VAC14: variants seen among roughly 807,000 people sequenced by gnomAD.
VAC14 encodes the protein protein VAC14 homolog.
Under a neutral mutation model 85.3 loss-of-function variants are expected in VAC14, and 47 were observed. The ratio of observed to expected loss-of-function variants is 0.55; its 90% CI spans 0.44 to 0.70. VAC14 has a LOEUF of 0.70. Among genes scored for constraint, VAC14 ranks in the 30% least tolerant of loss-of-function variants. VAC14 has a pLI of 0.00. For synonymous variants in VAC14, 447 were observed against 430.5 expected, an observed-to-expected ratio of 1.04 and a Z score of -0.47; for missense variants, 861 against 1,004.3, an observed-to-expected ratio of 0.86 and a Z score of 1.93.
In VAC14 at chr16:70,772,036, T is replaced by C. The variant is rs1371509124; in HGVS notation, c.1160+73A>G. The C allele has an allele frequency of 7.0e-6, 10 of 1,429,840 alleles. No individual in the cohort carries two copies. The South Asian group carries it at 9.3e-5, about 13-fold the overall frequency. The allele number at this position is 1,429,840 out of a possible 1,614,324, so 88.6% of individuals were successfully genotyped here. On this transcript the variant is annotated intron_variant, in intron 10 of 18. Transcript: ENST00000261776. ...TAGAATTTGCCTTGGGTCATTGCTGTAGTCTCCCGCATCCAGGAAAGATCT... is the reference window on the plus strand; with the variant it reads ...TAGAATTTGCCTTGGGTCATTGCTGCAGTCTCCCGCATCCAGGAAAGATCT...
chr16:70,774,752 G>GC (rs2033432863), intron 9 of VAC14, among the ~76,000 whole-genome samples: 1 of 47,232 alleles, frequency 2.1e-5, no homozygotes, highest in Non-Finnish European at 4.0e-5. Context: ...TTCCTTCCTT[G>GC]TTTTTTTTTT....
At chr16:70,781,683 C>A (rs1030591489) in intron 8 of VAC14, among the ~76,000 whole-genome samples, 186 bp downstream of exon 8, 1 of 152,108 alleles carries the variant, frequency 6.6e-6, no homozygotes, top group Admixed American at 6.5e-5. Flanking sequence ...TGGGGACAGC[C>A]AGCATCAGCC....
At chr16:70,766,335 C>T in intron 10 of VAC14, 1 of 379,706 alleles carries the variant, frequency 2.6e-6, no homozygotes, top group South Asian at 1.9e-5. Flanking sequence ...TGTGGGGCCT[C>T]TCCTGCAAGT....
intron 12 of VAC14, among the ~76,000 whole-genome samples, chr16:70,751,726 T>C (rs1284531847): frequency 1.3e-5 from 2 of 152,100 alleles, no homozygotes; most frequent in South Asian, 4.2e-4. Flanking sequence ...GGGGGAGCCA[T>C]GGGAAGGACA....
At chr16:70,689,343 A>T (rs2053556908) in intron 18 of VAC14, 131 of 985,340 alleles carry the variant, frequency 1.3e-4, no homozygotes, top group Non-Finnish European at 1.6e-4. Flanking sequence ...GCCGGGGCCC[A>T]GCAGCTTGAG....
At chr16:70,770,854 A>G (rs1024761969) in intron 10 of VAC14, 1 of 152,286 alleles carries the variant, frequency 6.6e-6, no homozygotes, top group Middle Eastern at 3.4e-3. Context: ...CTAGTGGTAC[A>G]TTTCATAAAC....
chr16:70,706,427 C>T lies in VAC14; in HGVS notation c.1662-7616G>A, dbSNP rs2053921556. 2.0e-5 allele frequency among the ~76,000 whole-genome samples: 3 copies of T among 152,252 alleles called. No homozygotes were observed. In the South Asian group the frequency reaches 6.2e-4, roughly 31 times the overall value. On this transcript the variant is annotated intron_variant, in intron 14 of 18. Coordinates refer to ENST00000261776, the MANE Select transcript of VAC14 (RefSeq NM_018052.5). ...GGGCATCCTGGCTCAGAGGCCCCTC[C>T]CTTCTCCCTATGGCCAGGCCTCCTT...
intron 17 of VAC14, among the ~76,000 whole-genome samples, chr16:70,693,813 T>A (rs755187994): frequency 9.9e-5 from 15 of 152,212 alleles, no homozygotes; most frequent in Non-Finnish European, 2.1e-4. Context: ...GTGGAGGATA[T>A]GCCATGTGCT....
chr16:70,737,239 C>T (rs1041786122), intron 13 of VAC14, among the ~76,000 whole-genome samples: 2 of 152,322 alleles, frequency 1.3e-5, no homozygotes, highest in South Asian at 2.1e-4. Context: ...GTGCTGCAGG[C>T]GCATGAGGAA....
chr16:70,728,594 G>A lies in VAC14; in HGVS notation c.1661+2901C>T, dbSNP rs535190584. On this transcript the variant is annotated intron_variant, in intron 14 of 18. Coordinates refer to ENST00000261776, the MANE Select transcript of VAC14 (RefSeq NM_018052.5). ...CTTCACAGAGCCTCAGGCCCTGAGCGGGTGGGGAGGGCATGCAAGCATGCC... is the reference window on the plus strand; with the variant it reads ...CTTCACAGAGCCTCAGGCCCTGAGCAGGTGGGGAGGGCATGCAAGCATGCC... 2.6e-5 allele frequency among the ~76,000 whole-genome samples: 4 copies of A among 152,338 alleles called. No individual in the cohort carries two copies. In the South Asian group the frequency reaches 8.3e-4, roughly 32 times the overall value.
intron 18 of VAC14, chr16:70,689,249 G>A (rs2053554981): frequency 7.1e-6 from 7 of 985,346 alleles, no homozygotes; most frequent in Non-Finnish European, 8.4e-6. Context: ...CGATGTGTAA[G>A]AGCTTCACCT....
In VAC14 at chr16:70,698,736, G is replaced by C; in HGVS notation, c.1737C>G (p.Leu579=). The C allele has an allele frequency of 6.2e-7, 1 of 1,614,212 alleles. No individual in the cohort carries two copies. Among genetic ancestry groups the C allele is most frequent in the South Asian group, 1.1e-5 (1 of 91,086 alleles). The change falls in exon 15 of 19, where the codon CTC becomes CTG. Residue 579 remains leucine (L), a synonymous_variant. Transcript: ENST00000261776. The part of the protein sequence containing the change: ...MADILLREED[L]KFASTMVHAL... The stretch of plus-strand genomic sequence containing the variant: ...CGTGGACCATGGTCGAGGCGAACTT[G>C]AGGTCCTCCTCCCGCAGCAGGATGT...
intron 12 of VAC14, among the ~76,000 whole-genome samples, chr16:70,753,629 AC>A (rs1376303109): frequency 6.6e-6 from 1 of 152,000 alleles, no homozygotes; most frequent in Non-Finnish European, 1.5e-5. Context: ...AGAGATGTGC[AC>A]CAAACCCACT....
chr16:70,769,108 GC>G lies in VAC14; in HGVS notation c.1160+3000del, dbSNP rs202140606. The G allele has an allele frequency of 8.3e-3, 1,674 of 201,194 alleles. 7 individuals carry two copies. Among genetic ancestry groups the G allele is most frequent in the African/African-American group, 0.014 (589 of 41,832 alleles). The allele number at this position is 201,194 out of a possible 1,614,324, so 12.5% of individuals were successfully genotyped here. On this transcript the variant is annotated intron_variant, in intron 10 of 18. Coordinates refer to ENST00000261776, the MANE Select transcript of VAC14 (RefSeq NM_018052.5). ...TGGGATTATAAGCGTGAGCCACCGT[GC>G]CCAGCTGTGGATGTGCATTTTTTTT...
intron 1 of VAC14, among the ~76,000 whole-genome samples, chr16:70,795,750 A>C (rs1460381805): frequency 2.0e-5 from 3 of 152,196 alleles, no homozygotes; most frequent in Non-Finnish European, 4.4e-5. Flanking sequence ...ACCTAGCAGG[A>C]GAGTTACATT....
chr16:70,799,494 T>C (rs2034678950), intron 1 of VAC14, among the ~76,000 whole-genome samples: 1 of 152,090 alleles, frequency 6.6e-6, no homozygotes, highest in African/African-American at 2.4e-5. Flanking sequence ...CAAAGCAACA[T>C]TTGATTTGGA....
chr16:70,777,407 T>C (rs1448653505), intron 9 of VAC14, among the ~76,000 whole-genome samples: 1 of 152,156 alleles, frequency 6.6e-6, no homozygotes, highest in African/African-American at 2.4e-5. Context: ...TCAGAAAGGG[T>C]AGGCAGCTGT....
rs965372474 is a variant in VAC14 at position 70,801,100 on chromosome 16, T to G, written c.-200A>C. On this transcript the variant is annotated 5_prime_UTR_variant, in exon 1 of 19. Coordinates refer to ENST00000261776, the MANE Select transcript of VAC14 (RefSeq NM_018052.5). ...TCCAGCACACCTGACCCTGGCCGCT[T>G]AACAACTCCCGCCCGGCACTAGCGG... 2.7e-4 allele frequency: 119 copies of G among 443,684 alleles called. No homozygotes were observed. The East Asian group carries it at 4.3e-3, about 16-fold the overall frequency. 27.5% of individuals were successfully genotyped at this position (443,684 alleles called of 1,614,324 possible).
At chr16:70,694,457 G>C (rs1288123758) in intron 17 of VAC14, among the ~76,000 whole-genome samples, 1 of 152,186 alleles carries the variant, frequency 6.6e-6, no homozygotes, top group Non-Finnish European at 1.5e-5. Flanking sequence ...CAGGGCATCA[G>C]TTCCTACGGC....
Sources: gnomAD v4.1 joint callset for allele counts (sites outside exome capture counted in the v4.1 genomes callset) on GRCh38, gnomAD v4.1.1 for gene constraint, MANE v1.5 for transcripts, NCBI Gene and HGNC (gene_info 2026-07-23, HGNC 2026-07-21) for gene names.